The following TMEM117 variants were observed in gnomAD, a reference collection of about 807,000 sequenced individuals.
TMEM117 encodes transmembrane protein 117.
Under a neutral mutation model 52.4 loss-of-function variants are expected in TMEM117, and 27 were observed. The observed-to-expected ratio is 0.51, with a 90% confidence interval of 0.38 to 0.71. TMEM117 has a LOEUF of 0.71. TMEM117 is among the 30% of genes least tolerant of loss of function. The probability of loss-of-function intolerance (pLI) is 0.00; values close to 1 mark genes in which losing one functional copy is unlikely to be tolerated. For missense variants in TMEM117, 556 were observed against 630.5 expected (o/e 0.88, Z 1.26); for synonymous variants, 215 against 206.3 (o/e 1.04, Z -0.36).
chr12:44,246,125 C>T (rs767027884), intron 5 of TMEM117, among the ~76,000 whole-genome samples: 3 of 151,968 alleles, frequency 2.0e-5, no homozygotes, highest in East Asian at 1.9e-4. Flanking sequence ...ACATTACTTA[C>T]GTATATCTAA....
chr12:44,014,598 C>T (rs920406199), intron 3 of TMEM117, among the ~76,000 whole-genome samples: 10 of 152,126 alleles, frequency 6.6e-5, no homozygotes, highest in African/African-American at 2.4e-4. Context: ...ATAAGTAGAT[C>T]TATGCATAAT....
intron 2 of TMEM117, among the ~76,000 whole-genome samples, chr12:43,899,585 A>G (rs557921782): frequency 2.6e-5 from 4 of 152,258 alleles, no homozygotes; most frequent in Non-Finnish European, 5.9e-5. Context: ...AAGCCACTTC[A>G]ATTAACAGAA....
At chr12:44,382,028 A>T (rs1952028207) in intron 7 of TMEM117, among the ~76,000 whole-genome samples, 1 of 152,172 alleles carries the variant, frequency 6.6e-6, no homozygotes, top group East Asian at 1.9e-4. Flanking sequence ...TCAGTTGTGA[A>T]TTTTTCCAAA....
intron 3 of TMEM117, among the ~76,000 whole-genome samples, chr12:44,097,516 C>A (rs1210775925): frequency 2.0e-5 from 3 of 151,892 alleles, no homozygotes; most frequent in Non-Finnish European, 4.4e-5. Flanking sequence ...ACATATACAC[C>A]ATGGAATACT....
At chr12:44,328,771 A>C (rs1401754828) in intron 6 of TMEM117, among the ~76,000 whole-genome samples, 12 of 152,098 alleles carry the variant, frequency 7.9e-5, no homozygotes, top group Non-Finnish European at 1.6e-4. Context: ...CCATTCAAAA[A>C]AACCAATGTA....
chr12:44,291,898 T>A (rs1037731704), intron 5 of TMEM117, among the ~76,000 whole-genome samples: 2 of 152,076 alleles, frequency 1.3e-5, no homozygotes, highest in Non-Finnish European at 2.9e-5. Context: ...TTACATTTTC[T>A]TAAAAATGTT....
intron 3 of TMEM117, among the ~76,000 whole-genome samples, chr12:44,007,337 C>A (rs1163344590): frequency 1.3e-5 from 2 of 151,960 alleles, no homozygotes; most frequent in Admixed American, 1.3e-4. Context: ...GTATCATTTC[C>A]CTTGTCTCTG....
At chr12:44,158,697 T>G (rs536704703) in intron 4 of TMEM117, among the ~76,000 whole-genome samples, 1 of 152,110 alleles carries the variant, frequency 6.6e-6, no homozygotes, top group East Asian at 1.9e-4. Context: ...TAGGGTGTTT[T>G]AGTACAGTTG....
At chr12:44,250,087 T>C (rs1950178478) in intron 5 of TMEM117, among the ~76,000 whole-genome samples, 3 of 152,174 alleles carry the variant, frequency 2.0e-5, no homozygotes, top group Admixed American at 2.0e-4. Flanking sequence ...TTTTGCAGTC[T>C]ACCCATCTGA....
At chr12:44,156,726 T>G (rs1431717339) in intron 4 of TMEM117, among the ~76,000 whole-genome samples, 1 of 152,090 alleles carries the variant, frequency 6.6e-6, no homozygotes, top group East Asian at 1.9e-4. Context: ...AGAAAGAATC[T>G]TTTGGTGCTG....
chr12:44,211,042 A>G (rs1333405357), intron 4 of TMEM117, among the ~76,000 whole-genome samples: 2 of 152,156 alleles, frequency 1.3e-5, no homozygotes, highest in Non-Finnish European at 2.9e-5. Flanking sequence ...GGTAATCTTA[A>G]TATTTAAAAA....
intron 3 of TMEM117, among the ~76,000 whole-genome samples, chr12:43,995,419 G>A (rs372866620): frequency 1.5e-4 from 23 of 152,136 alleles, no homozygotes; most frequent in African/African-American, 2.7e-4. Flanking sequence ...AGATGCCTTA[G>A]TGTTTACACA....
intron 3 of TMEM117, among the ~76,000 whole-genome samples, chr12:44,114,672 A>G (rs1948104994): frequency 1.3e-5 from 2 of 152,182 alleles, no homozygotes; most frequent in Admixed American, 1.3e-4. Context: ...ACCAACCTCC[A>G]TCAAGACAAA....
At chr12:44,222,491 C>T (rs749906906) in intron 5 of TMEM117, among the ~76,000 whole-genome samples, 1 of 152,198 alleles carries the variant, frequency 6.6e-6, no homozygotes, top group Non-Finnish European at 1.5e-5. Context: ...GTCAGAGAAG[C>T]CCTGATGCAC....
chr12:44,159,649 A>G (rs1216973661), intron 4 of TMEM117, among the ~76,000 whole-genome samples: 1 of 152,148 alleles, frequency 6.6e-6, no homozygotes, highest in East Asian at 1.9e-4. Flanking sequence ...TTTGGTGTCA[A>G]ACTGTGGGGC....
chr12:44,089,849 A>G (rs1313161105), intron 3 of TMEM117, among the ~76,000 whole-genome samples: 1 of 152,168 alleles, frequency 6.6e-6, no homozygotes, highest in East Asian at 1.9e-4. Flanking sequence ...GTTGTAAATA[A>G]AAACAGCCAT....
chr12:43,810,667 G>C, the TMEM117 span, among the ~76,000 whole-genome samples: 1 of 152,188 alleles, frequency 6.6e-6, no homozygotes, highest in Non-Finnish European at 1.5e-5. Flanking sequence ...AGCAGGGCGA[G>C]AGGGCAGGGA....
chr12:44,160,851 A>T (rs1948889308), intron 4 of TMEM117, among the ~76,000 whole-genome samples: 1 of 152,208 alleles, frequency 6.6e-6, no homozygotes, highest in African/African-American at 2.4e-5. Context: ...TGATGATTTG[A>T]AATGAATTAT....
chr12:44,383,223 A>T (rs1952044158), intron 7 of TMEM117, among the ~76,000 whole-genome samples: 1 of 152,180 alleles, frequency 6.6e-6, no homozygotes, highest in South Asian at 2.1e-4. Context: ...GTAAAAGATT[A>T]AAAATATTAT....
Sources: allele counts gnomAD v4.1 joint callset (sites outside exome capture counted in the v4.1 genomes callset), GRCh38; gene constraint gnomAD v4.1.1; transcripts MANE v1.5; gene names NCBI Gene and HGNC (gene_info 2026-07-23, HGNC 2026-07-21).